SLC30A7: variants seen among roughly 807,000 people sequenced by gnomAD.
SLC30A7 encodes zinc transporter 7.
In SLC30A7, 35 loss-of-function variants were observed where a neutral mutation model predicts 46.0. The ratio of observed to expected loss-of-function variants is 0.76; its 90% CI spans 0.58 to 1.01. The LOEUF (loss-of-function observed/expected upper bound fraction) is 1.01, where lower values mean the gene tolerates loss of function less well. Among genes scored for constraint, SLC30A7 ranks in the 50% least tolerant of loss-of-function variants. SLC30A7 has a pLI of 0.00. For synonymous variants in SLC30A7, 147 were observed against 157.8 expected (o/e 0.93, Z 0.51); for missense variants, 464 against 451.1 (o/e 1.03, Z -0.26).
intron 8 of SLC30A7, among the ~76,000 whole-genome samples, chr1:100,949,361 T>C (rs1159312077): frequency 6.6e-6 from 1 of 152,186 alleles, no homozygotes; most frequent in Non-Finnish European, 1.5e-5. Context: ...CAAATATTGC[T>C]GCCTGATCCT....
At chr1:100,967,947 G>C (rs1391931517) in intron 10 of SLC30A7, among the ~76,000 whole-genome samples, 1 of 152,018 alleles carries the variant, frequency 6.6e-6, no homozygotes, top group Non-Finnish European at 1.5e-5. Context: ...ATGGTATTGT[G>C]GTATAGAAGA....
intron 8 of SLC30A7, among the ~76,000 whole-genome samples, chr1:100,932,859 A>G (rs1432237502): frequency 1.3e-5 from 2 of 152,038 alleles, no homozygotes; most frequent in Non-Finnish European, 2.9e-5. Flanking sequence ...TTGATGTCTT[A>G]CCTCTGTTTA....
intron 8 of SLC30A7, among the ~76,000 whole-genome samples, chr1:100,945,606 G>A (rs1050359886): frequency 2.0e-5 from 3 of 152,074 alleles, no homozygotes; most frequent in Admixed American, 6.5e-5. Context: ...TAGATGTGTG[G>A]TATTATTTCT....
downstream of SLC30A7, among the ~76,000 whole-genome samples, chr1:100,983,183 T>G (rs1032461652): frequency 3.0e-4 from 46 of 152,086 alleles, no homozygotes; most frequent in African/African-American, 1.1e-3. Context: ...ACCCTTGATA[T>G]GGCACCAAAC....
intron 8 of SLC30A7, among the ~76,000 whole-genome samples, chr1:100,935,478 A>G (rs1653911893): frequency 6.6e-6 from 1 of 152,190 alleles, no homozygotes; most frequent in African/African-American, 2.4e-5. Flanking sequence ...TGGTTTTGGA[A>G]TAGGGAATGG....
intron 6 of SLC30A7, 113 bp from the exon 7 acceptor site, chr1:100,917,964 T>C (rs1570527766): frequency 1.5e-6 from 1 of 647,266 alleles, no homozygotes; most frequent in Non-Finnish European, 2.6e-6. Flanking sequence ...AAGTTTGATA[T>C]GGCTATATAG....
intron 10 of SLC30A7, among the ~76,000 whole-genome samples, chr1:100,971,527 A>G (rs553197313): frequency 2.0e-5 from 3 of 152,232 alleles, no homozygotes; most frequent in African/African-American, 7.2e-5. Flanking sequence ...AGTAATCCAT[A>G]TGATTTAAGT....
At chr1:100,917,984 C>A (rs1280651958) in intron 6 of SLC30A7, 93 bp from the exon 7 acceptor site, 2 of 961,676 alleles carry the variant, frequency 2.1e-6, no homozygotes, top group Non-Finnish European at 3.3e-6. Flanking sequence ...GCCATGCATT[C>A]TTGATGATGC....
chr1:100,955,625 G>A (rs557431376), intron 8 of SLC30A7, among the ~76,000 whole-genome samples: 8 of 152,176 alleles, frequency 5.3e-5, no homozygotes, highest in Admixed American at 3.9e-4. Flanking sequence ...AATTTGCTAA[G>A]CTTGTCGTTT....
chr1:100,990,493 C>A, the SLC30A7 span: 1 of 1,614,054 alleles, frequency 6.2e-7, no homozygotes, highest in Non-Finnish European at 8.5e-7. Context: ...TGGATGTATG[C>A]TGCCTCCTGT....
chr1:100,966,916 T>C (rs2101093396), intron 10 of SLC30A7, among the ~76,000 whole-genome samples: 1 of 152,334 alleles, frequency 6.6e-6, no homozygotes, highest in East Asian at 1.9e-4. Context: ...TATATGCTGT[T>C]GAGTTTTTCT....
At chr1:100,929,272 A>C (rs186016712) in intron 8 of SLC30A7, among the ~76,000 whole-genome samples, 1 of 152,144 alleles carries the variant, frequency 6.6e-6, no homozygotes, top group African/African-American at 2.4e-5. Context: ...TTAAAAAAGC[A>C]TAAGTTTTTT....
chr1:100,918,598 G>A (rs932554824), intron 7 of SLC30A7, among the ~76,000 whole-genome samples: 1 of 152,174 alleles, frequency 6.6e-6, no homozygotes, highest in Admixed American at 6.5e-5. Context: ...GATACTGTAG[G>A]TTGAAAATGC....
chr1:100,939,847 TA>T (rs573295797), intron 8 of SLC30A7, among the ~76,000 whole-genome samples: 216 of 137,176 alleles, frequency 1.6e-3, no homozygotes, highest in Admixed American at 2.2e-3. Flanking sequence ...AGACTCCGTC[TA>T]AAAAAAAAAA....
At position 100,970,893 on chromosome 1, in the gene SLC30A7, T is replaced by C. The variant is rs577435133; in HGVS notation, c.1084-3917T>C. On this transcript the variant is annotated intron_variant, in intron 10 of 10. Coordinates refer to ENST00000357650, the MANE Select transcript of SLC30A7 (RefSeq NM_133496.5). ...GTAGAAATATGTTTGAAGAAAAGTC[T>C]ATAATACGCTTGGGGTTTATTACCA... 2.6e-5 allele frequency among the ~76,000 whole-genome samples: 4 copies of C among 152,238 alleles called. No homozygotes were observed. The South Asian group carries it at 8.3e-4, about 32-fold the overall frequency.
chr1:100,915,192 C>T (rs867311745), intron 6 of SLC30A7, among the ~76,000 whole-genome samples: 129 of 106,952 alleles, frequency 1.2e-3, no homozygotes, highest in African/African-American at 4.0e-3. Flanking sequence ...TCTTTTCTTT[C>T]TTTTCTTTCT....
chr1:100,932,806 G>T (rs979609665), intron 8 of SLC30A7, among the ~76,000 whole-genome samples: 4 of 152,078 alleles, frequency 2.6e-5, no homozygotes, highest in African/African-American at 9.7e-5. Flanking sequence ...ACAAGGTACA[G>T]TATAGATGGT....
chr1:100,974,911 C>G lies in SLC30A7; in HGVS notation c.*54C>G. The G allele has an allele frequency of 7.1e-7, 1 of 1,405,226 alleles. No individual in the cohort carries two copies. Among genetic ancestry groups the G allele is most frequent in the African/African-American group, 1.4e-5 (1 of 70,270 alleles). The allele number at this position is 1,405,226 out of a possible 1,614,324, so 87.0% of individuals were successfully genotyped here. On this transcript the variant is annotated 3_prime_UTR_variant, in exon 11 of 11. Transcript: ENST00000357650. Reference sequence around the variant, plus strand: ...TGGACCAAATTTTTCTGGTACTGTACGATCCAAAACATTGTACCCAGCTTT... The same window carrying G: ...TGGACCAAATTTTTCTGGTACTGTAGGATCCAAAACATTGTACCCAGCTTT...
intron 8 of SLC30A7, among the ~76,000 whole-genome samples, chr1:100,946,528 A>G (rs916727025): frequency 6.6e-6 from 1 of 152,184 alleles, no homozygotes; most frequent in Admixed American, 6.5e-5. Context: ...CCTTTTCTGC[A>G]TCTTTTGAGA....
Sources: allele counts gnomAD v4.1 joint callset (sites outside exome capture counted in the v4.1 genomes callset), GRCh38; gene constraint gnomAD v4.1.1; transcripts MANE v1.5; gene names NCBI Gene and HGNC (gene_info 2026-07-23, HGNC 2026-07-21).